Variants in COLEC12 observed in about 807,000 individuals in gnomAD.
COLEC12 encodes collectin subfamily member 12.
In COLEC12, 33 loss-of-function variants were observed where a neutral mutation model predicts 71.1. That is an observed-to-expected ratio of 0.46 (90% CI 0.35 to 0.62). The LOEUF is 0.62. Ranked by LOEUF, COLEC12 falls within the 20% of genes least tolerant of loss-of-function variation. The pLI is 0.00. For missense variants in COLEC12, 765 were observed against 916.1 expected (o/e 0.84, Z 2.13); for synonymous variants, 350 against 353.0 (o/e 0.99, Z 0.10).
Position 334,881 on chromosome 18 carries a change from A to G in COLEC12, c.1677T>C (p.Pro559=), listed in dbSNP as rs1425795393. ...GCAAGCCTGGCAGTCCCCGAGGTCC[A>G]GGCACCCCAGGCTCCCCAACGGTGC... ...LQGTVGEPGV[P]GPRGLPGLPG... Residue 559 remains proline, a synonymous_variant, in exon 6 of 10, where the codon CCT becomes CCC. Transcript: ENST00000400256. 6.6e-7 allele frequency: 1 copy of G among 1,520,422 alleles called. No homozygotes were observed. Among genetic ancestry groups the G allele is most frequent in the Non-Finnish European group, 8.7e-7 (1 of 1,144,128 alleles). The allele number at this position is 1,520,422 out of a possible 1,614,324, so 94.2% of individuals were successfully genotyped here. A position where few individuals can be genotyped will look rare whatever the true frequency, so the allele number is the denominator to read the frequency against.
rs116520331 is a variant in COLEC12 at position 363,424 on chromosome 18, C to A, written c.59-5902G>T. ...AAGTGTCTATAGCTCAGTGGTGTTG[C>A]CATAAAGATCATGTTACCAAAGAGA... On this transcript the variant is annotated intron_variant, in intron 2 of 9. Transcript: ENST00000400256. 2.7e-3 allele frequency among the ~76,000 whole-genome samples: 418 copies of A among 152,102 alleles called. 2 individuals carry two copies. The highest frequency in any genetic ancestry group is 9.9e-3 in the African/African-American group (409 of 41,488).
chr18:462,330 C>T (rs1412009562), intron 2 of COLEC12, among the ~76,000 whole-genome samples: 17 of 152,264 alleles, frequency 1.1e-4, no homozygotes, highest in African/African-American at 3.6e-4. Context: ...GTCCATGTCA[C>T]GGAATATTAT....
chr18:369,686 T>C (rs1914958194), intron 2 of COLEC12, among the ~76,000 whole-genome samples: 1 of 152,012 alleles, frequency 6.6e-6, no homozygotes, highest in Non-Finnish European at 1.5e-5. Flanking sequence ...CTCTGTGGCG[T>C]GATTATAATT....
chr18:420,445 T>C (rs1916073965), intron 2 of COLEC12, among the ~76,000 whole-genome samples: 1 of 152,152 alleles, frequency 6.6e-6, no homozygotes, highest in Admixed American at 6.6e-5. Flanking sequence ...CTGGGTTTTA[T>C]AAATCAACAA....
At chr18:469,016 C>A (rs961830895) in intron 2 of COLEC12, among the ~76,000 whole-genome samples, 3 of 152,264 alleles carry the variant, frequency 2.0e-5, no homozygotes, top group Non-Finnish European at 4.4e-5. Context: ...TGGCCGATGG[C>A]GTGCGCAGCA....
rs1316096708 is a variant in COLEC12, at chr18:500,474, C to A, written c.7+34G>T. On this transcript the variant is annotated intron_variant, in intron 1 of 9. Transcript: ENST00000400256. This position sits in a 1 kb window ranked among gnomAD's most constrained non-coding sequence, Gnocchi z 5.3. The stretch of plus-strand genomic sequence containing the variant: ...CGCGCGCCCCGAAGCCCGTTCCCCC[C>A]GCCCAGAGCCCCGCGGAGCTGCCGC... 14 of 1,225,628 alleles carry A rather than the reference C, an allele frequency of 1.1e-5. No homozygotes were observed. Among genetic ancestry groups the A allele is most frequent in the Non-Finnish European group, 1.2e-5 (12 of 983,346 alleles). The allele number at this position is 1,225,628 out of a possible 1,614,324, so 75.9% of individuals were successfully genotyped here.
chr18:374,416 A>G lies in COLEC12; in HGVS notation c.59-16894T>C, dbSNP rs547110931. ...GTTGAAAGTATGACCTGCAATTGCA[A>G]TCAAGCCATTCAAGCCATTCAAAGA... On this transcript the variant is annotated intron_variant, in intron 2 of 9. Transcript: ENST00000400256. Among the ~76,000 whole-genome samples the G allele has an allele frequency of 4.3e-3, 653 of 151,738 alleles. 1 individual carries two copies. Among genetic ancestry groups the G allele is most frequent in the Non-Finnish European group, 6.3e-3 (431 of 68,016 alleles).
intron 2 of COLEC12, among the ~76,000 whole-genome samples, chr18:463,727 C>T (rs1192091870): frequency 6.6e-6 from 1 of 152,178 alleles, no homozygotes; most frequent in Middle Eastern, 3.2e-3. Flanking sequence ...TCACTTCATT[C>T]CCGTTGTCAC....
At chr18:481,619 G>A (rs1317619156) in intron 1 of COLEC12, among the ~76,000 whole-genome samples, 2 of 152,034 alleles carry the variant, frequency 1.3e-5, no homozygotes, top group African/African-American at 2.4e-5. Context: ...TAGGAGAATC[G>A]CTTGAACCTG....
intron 2 of COLEC12, among the ~76,000 whole-genome samples, chr18:385,988 C>T (rs1333158799): frequency 6.6e-6 from 1 of 152,026 alleles, no homozygotes; most frequent in Admixed American, 6.6e-5. Context: ...TACCAGATGT[C>T]CTTTAAGGTT....
At chr18:486,491 T>C (rs972988063) in intron 1 of COLEC12, among the ~76,000 whole-genome samples, 35 of 152,164 alleles carry the variant, frequency 2.3e-4, no homozygotes, top group African/African-American at 8.2e-4. Flanking sequence ...GGCTGCATTT[T>C]ATTATGTTTC....
intron 2 of COLEC12, among the ~76,000 whole-genome samples, chr18:432,253 T>C (rs1225993970): frequency 1.3e-5 from 2 of 152,222 alleles, no homozygotes; most frequent in Non-Finnish European, 2.9e-5. Context: ...ATTAAGGATC[T>C]AGCTCTGAGA....
chr18:393,717 G>A (rs1192409305), intron 2 of COLEC12, among the ~76,000 whole-genome samples: 2 of 152,208 alleles, frequency 1.3e-5, no homozygotes, highest in African/African-American at 4.8e-5. Context: ...CACACCACCA[G>A]TGTAGCACTT....
rs1387583929 is a variant in COLEC12, at chr18:413,216, A to G, written c.59-55694T>C. Among the ~76,000 whole-genome samples, 6 of 152,206 alleles carry G rather than the reference A, an allele frequency of 3.9e-5. No homozygotes were observed. The East Asian group carries it at 1.2e-3, about 29-fold the overall frequency. Reference sequence around the variant, plus strand: ...ATGAAGAGACATTTGACTGAAGAAGACAGATGGATGGCAAATAAACACATA... The same window carrying G: ...ATGAAGAGACATTTGACTGAAGAAGGCAGATGGATGGCAAATAAACACATA... On this transcript the variant is annotated intron_variant, in intron 2 of 9. Coordinates refer to ENST00000400256, the MANE Select transcript of COLEC12 (RefSeq NM_130386.3).
rs760407917 is a variant in COLEC12 at position 325,627 on chromosome 18, CTTTTTTTTTTTTT to C, written c.2064-3833_2064-3821del. Among the ~76,000 whole-genome samples the C allele has an allele frequency of 2.2e-3, 113 of 51,846 alleles. 5 individuals carry two copies. In the East Asian group the frequency reaches 0.057, roughly 26 times the overall value. The allele number at this position is 51,846 out of a possible 152,430, so 34.0% of individuals were successfully genotyped here. A position where few individuals can be genotyped will look rare whatever the true frequency, so the allele number is the denominator to read the frequency against. On this transcript the variant is annotated intron_variant, in intron 8 of 9. Transcript: ENST00000400256. ...TTACACCAAGAGTAAAAGGATCAGC[CTTTTTTTTTTTTT>C]TTTTTTTTTTTTTTTTGAGACAGAG... is the stretch of plus-strand genomic sequence containing the variant.
At chr18:424,637 G>A (rs913879931) in intron 2 of COLEC12, among the ~76,000 whole-genome samples, 1 of 152,180 alleles carries the variant, frequency 6.6e-6, no homozygotes, top group Non-Finnish European at 1.5e-5. Context: ...CAAGCCCAAA[G>A]GTTGGCTTAC....
chr18:404,552 G>C (rs1038100640), intron 2 of COLEC12, among the ~76,000 whole-genome samples: 1 of 152,120 alleles, frequency 6.6e-6, no homozygotes, highest in South Asian at 2.1e-4. Context: ...GGGAAGTTAG[G>C]GACCCCAAAC....
chr18:407,894 A>G (rs761020249), intron 2 of COLEC12, among the ~76,000 whole-genome samples: 5 of 152,256 alleles, frequency 3.3e-5, no homozygotes, highest in South Asian at 2.1e-4. Context: ...CCCTAGGCCA[A>G]TGATCAGAAT....
At chr18:339,069 A>G (rs917614827) in intron 5 of COLEC12, among the ~76,000 whole-genome samples, 6 of 149,206 alleles carry the variant, frequency 4.0e-5, no homozygotes, top group Non-Finnish European at 8.9e-5. Context: ...AAGTTATGGG[A>G]AATGAGTTTA....
Sources: allele counts gnomAD v4.1 joint callset (sites outside exome capture counted in the v4.1 genomes callset), GRCh38; gene constraint gnomAD v4.1.1; non-coding constraint Gnocchi (gnomAD v3.1); transcripts MANE v1.5; gene names NCBI Gene and HGNC (gene_info 2026-07-23, HGNC 2026-07-21).